GABRG3: variants seen among roughly 807,000 people sequenced by gnomAD.
GABRG3 encodes gamma-aminobutyric acid type A receptor subunit gamma3, also known as gamma-aminobutyric acid receptor subunit gamma-3.
A neutral mutation model predicts 48.8 loss-of-function variants in GABRG3; 25 were observed. The ratio of observed to expected loss-of-function variants is 0.51; its 90% CI spans 0.37 to 0.72. GABRG3 has a LOEUF of 0.72. GABRG3 is among the 30% of genes least tolerant of loss of function. The pLI is 0.00. For synonymous variants in GABRG3, 227 were observed against 217.6 expected, an observed-to-expected ratio of 1.04 and a Z score of -0.38; for missense variants, 394 against 577.9, an observed-to-expected ratio of 0.68 and a Z score of 3.26.
At chr15:27,300,154 T>C (rs1307454967) in intron 3 of GABRG3, among the ~76,000 whole-genome samples, 1 of 152,146 alleles carries the variant, frequency 6.6e-6, no homozygotes, top group Non-Finnish European at 1.5e-5. Context: ...CAGTTAGTTG[T>C]TGGCTGAAAA....
chr15:27,198,656 A>G (rs1353325205), intron 3 of GABRG3, among the ~76,000 whole-genome samples: 1 of 152,222 alleles, frequency 6.6e-6, no homozygotes, highest in East Asian at 1.9e-4. Context: ...GTATACACCC[A>G]AAGTATTATA....
intron 3 of GABRG3, among the ~76,000 whole-genome samples, chr15:27,191,359 A>G (rs1455729762): frequency 6.6e-6 from 1 of 152,100 alleles, no homozygotes; most frequent in Non-Finnish European, 1.5e-5. Context: ...GTGGGAGTCT[A>G]AGTCTCTTTG....
chr15:27,115,291 G>A (rs1287993302), intron 3 of GABRG3, among the ~76,000 whole-genome samples: 2 of 152,074 alleles, frequency 1.3e-5, no homozygotes, highest in East Asian at 3.9e-4. Context: ...GCAGTTAAAG[G>A]CTCCCTCCGG....
At chr15:27,079,141 TGGACTGTA>T (rs1017109161) in intron 3 of GABRG3, among the ~76,000 whole-genome samples, 1 of 152,110 alleles carries the variant, frequency 6.6e-6, no homozygotes, top group African/African-American at 2.4e-5. Context: ...TGACTTGTTT[TGGACTGTA>T]GGCATGGTCG....
chr15:27,342,754 T>G (rs894552575), intron 5 of GABRG3, among the ~76,000 whole-genome samples: 1 of 152,310 alleles, frequency 6.6e-6, no homozygotes, highest in East Asian at 1.9e-4. Context: ...ATCCACAGTG[T>G]GAACCAAGGC....
intron 6 of GABRG3, among the ~76,000 whole-genome samples, chr15:27,518,383 T>A (rs4071680): frequency 0.57 from 78,518 of 137,722 alleles, 22,120 homozygotes; most frequent in East Asian, 0.66. Context: ...AAAAAAAAAA[T>A]GGGACATCAG....
chr15:27,370,504 G>A lies in GABRG3; in HGVS notation c.574+41616G>A, dbSNP rs1359128414. On this transcript the variant is annotated intron_variant, in intron 5 of 9. Coordinates refer to ENST00000615808, the MANE Select transcript of GABRG3 (RefSeq NM_033223.5). ...TAATGACTCCACTTGAGATCTGAGC[G>A]GCGGAGTCTGGGACCACCCTGGGAT... is the stretch of plus-strand genomic sequence containing the variant. 5.3e-5 allele frequency among the ~76,000 whole-genome samples: 8 copies of A among 152,244 alleles called. No individual in the cohort carries two copies. The East Asian group carries it at 1.4e-3, about 26-fold the overall frequency.
intron 5 of GABRG3, among the ~76,000 whole-genome samples, chr15:27,414,599 A>G (rs1175936787): frequency 6.6e-6 from 1 of 152,214 alleles, no homozygotes; most frequent in Non-Finnish European, 1.5e-5. Flanking sequence ...TGAAGCATCC[A>G]CTTAATGCAT....
rs1202437410 is a variant in GABRG3 at position 26,974,842 on chromosome 15, A to ATTT, written c.54-2159_54-2157dup. Among the ~76,000 whole-genome samples the ATTT allele has an allele frequency of 1.5e-3, 185 of 122,930 alleles. 1 individual carries two copies. The highest frequency in any genetic ancestry group is 5.0e-3 in the African/African-American group (158 of 31,706). 80.6% of individuals were successfully genotyped at this position (122,930 alleles called of 152,430 possible). On this transcript the variant is annotated intron_variant, in intron 1 of 9. Coordinates refer to ENST00000615808, the MANE Select transcript of GABRG3 (RefSeq NM_033223.5). The surrounding 1 kb of genome is among the most constrained non-coding windows in gnomAD (Gnocchi z 4.3). ...TCAGATGACACGAAATATTTTTTAA[A>ATTT]TTTATTATTATTATTATTATTATTA...
chr15:26,982,585 A>C (rs1032911974), intron 2 of GABRG3, among the ~76,000 whole-genome samples: 1 of 152,238 alleles, frequency 6.6e-6, no homozygotes, highest in Non-Finnish European at 1.5e-5. Context: ...CATGTGCAAT[A>C]GGCAAGCAAA....
chr15:27,094,956 G>A (rs1317253643), intron 3 of GABRG3, among the ~76,000 whole-genome samples: 2 of 151,990 alleles, frequency 1.3e-5, no homozygotes, highest in African/African-American at 2.4e-5. Context: ...TTATACACAA[G>A]ACACATAATT....
intron 5 of GABRG3, among the ~76,000 whole-genome samples, chr15:27,452,448 T>C (rs1889139358): frequency 6.6e-6 from 1 of 152,194 alleles, no homozygotes; most frequent in Non-Finnish European, 1.5e-5. Flanking sequence ...TGTATAGCTT[T>C]TGACTTCCCA....
At position 27,541,011 on chromosome 15, in the gene GABRG3, G is replaced by A. The variant is rs1891651821; in HGVS notation, c.*8130G>A. ...AAAAGGAGCAAGGGAGAGGGAGAAA[G>A]AGAGGACAGAGGGAGAGAGAGAAAG... On this transcript the variant is annotated 3_prime_UTR_variant, in exon 10 of 10. Coordinates refer to ENST00000615808, the MANE Select transcript of GABRG3 (RefSeq NM_033223.5). 1 of 152,264 alleles carries A rather than the reference G, an allele frequency of 6.6e-6. No homozygotes were observed. Among genetic ancestry groups the A allele is most frequent in the Non-Finnish European group, 1.5e-5 (1 of 68,074 alleles). 9.4% of individuals were successfully genotyped at this position (152,264 alleles called of 1,614,324 possible).
intron 3 of GABRG3, among the ~76,000 whole-genome samples, chr15:27,251,778 C>T (rs536981388): frequency 4.3e-4 from 65 of 152,242 alleles, no homozygotes; most frequent in Middle Eastern, 6.8e-3. Context: ...TGCAGGTTCA[C>T]CTGAGGGCAC....
chr15:26,985,724 T>C (rs1233601341), intron 2 of GABRG3, among the ~76,000 whole-genome samples: 1 of 152,086 alleles, frequency 6.6e-6, no homozygotes, highest in East Asian at 1.9e-4. Context: ...TTTTGAGAGA[T>C]TATGTTGGAA....
At chr15:27,229,135 T>C (rs1046784128) in intron 3 of GABRG3, among the ~76,000 whole-genome samples, 3 of 152,230 alleles carry the variant, frequency 2.0e-5, no homozygotes, top group African/African-American at 7.2e-5. Context: ...ACGAACTTTT[T>C]GCCCGTTCCT....
At chr15:27,094,113 C>G (rs544723925) in intron 3 of GABRG3, among the ~76,000 whole-genome samples, 1 of 152,176 alleles carries the variant, frequency 6.6e-6, no homozygotes, top group Non-Finnish European at 1.5e-5. Context: ...CTCCATACAG[C>G]CCACAGACCT....
At chr15:27,006,602 C>G (rs1895589720) in intron 2 of GABRG3, among the ~76,000 whole-genome samples, 1 of 152,188 alleles carries the variant, frequency 6.6e-6, no homozygotes, top group South Asian at 2.1e-4. Context: ...TATTTCATCA[C>G]CCAGGTAATA....
In GABRG3 at chr15:27,028,620, C is replaced by T. The variant is rs142989227; in HGVS notation, c.270+1799C>T. ...AGGAGTTCGAGACCAGCCTGGTCAA[C>T]GTGATGAAACCCTGACTCTACTAAA... On this transcript the variant is annotated intron_variant, in intron 3 of 9. Coordinates refer to ENST00000615808, the MANE Select transcript of GABRG3 (RefSeq NM_033223.5). Among the ~76,000 whole-genome samples the T allele has an allele frequency of 8.1e-3, 1,225 of 152,018 alleles. 13 individuals carry two copies. The highest frequency in any genetic ancestry group is 0.028 in the African/African-American group (1,150 of 41,442).
Sources: gnomAD v4.1 joint callset for allele counts (sites outside exome capture counted in the v4.1 genomes callset) on GRCh38, gnomAD v4.1.1 for gene constraint, Gnocchi (gnomAD v3.1) non-coding constraint, MANE v1.5 for transcripts, NCBI Gene and HGNC (gene_info 2026-07-23, HGNC 2026-07-21) for gene names.